The following PARD3 variants were observed in gnomAD, a reference collection of about 807,000 sequenced individuals.
PARD3 encodes the protein partitioning defective 3 homolog.
A neutral mutation model predicts 155.4 loss-of-function variants in PARD3; 75 were observed. That is an observed-to-expected ratio of 0.48 (90% CI 0.40 to 0.58). PARD3 has a LOEUF of 0.58. Among genes scored for constraint, PARD3 ranks in the 20% least tolerant of loss-of-function variants. The probability of loss-of-function intolerance (pLI) is 0.00; values close to 1 mark genes in which losing one functional copy is unlikely to be tolerated. For missense variants in PARD3, 1,642 were observed against 1,721.7 expected (o/e 0.95, Z 0.82); for synonymous variants, 576 against 610.5 (o/e 0.94, Z 0.83).
intron 2 of PARD3, among the ~76,000 whole-genome samples, chr10:34,520,286 T>G (rs922733805): frequency 1.3e-5 from 2 of 152,082 alleles, no homozygotes; most frequent in Non-Finnish European, 2.9e-5. Flanking sequence ...ATAGATAGAA[T>G]CAGCTGATTA....
At chr10:34,771,895 G>A (rs191630570) in intron 1 of PARD3, among the ~76,000 whole-genome samples, 3 of 152,176 alleles carry the variant, frequency 2.0e-5, no homozygotes, top group African/African-American at 7.2e-5. Flanking sequence ...AGCTCGCCAG[G>A]ATAAGCCAAT....
chr10:34,748,572 C>T (rs967271176), intron 1 of PARD3, among the ~76,000 whole-genome samples: 1 of 152,096 alleles, frequency 6.6e-6, no homozygotes, highest in African/African-American at 2.4e-5. Flanking sequence ...AAGCACTCCA[C>T]ACCTCAGACA....
intron 2 of PARD3, among the ~76,000 whole-genome samples, chr10:34,582,429 A>C (rs866220738): frequency 1.8e-4 from 28 of 152,258 alleles, no homozygotes; most frequent in African/African-American, 6.8e-4. Context: ...TGTTAGGATA[A>C]CTGGTTAGAA....
chr10:34,481,340 A>AT (rs2079071890), intron 3 of PARD3, among the ~76,000 whole-genome samples: 1 of 152,116 alleles, frequency 6.6e-6, no homozygotes, highest in Non-Finnish European at 1.5e-5. Flanking sequence ...GTTAAGGGGC[A>AT]TAAGAAATGG....
chr10:34,308,750 C>T (rs942551402), intron 20 of PARD3, among the ~76,000 whole-genome samples: 3 of 152,068 alleles, frequency 2.0e-5, no homozygotes, highest in African/African-American at 7.2e-5. Context: ...AGTCATCTGC[C>T]TATAGGCTGT....
chr10:34,688,326 C>G (rs182054967), intron 2 of PARD3, among the ~76,000 whole-genome samples: 1 of 152,096 alleles, frequency 6.6e-6, no homozygotes, highest in African/African-American at 2.4e-5. Flanking sequence ...CTGTTGAGAA[C>G]GAAGGGAAGG....
intron 1 of PARD3, among the ~76,000 whole-genome samples, chr10:34,784,479 G>C (rs904292895): frequency 6.7e-6 from 1 of 150,056 alleles, no homozygotes; most frequent in African/African-American, 2.5e-5. Context: ...TCACTCTGTC[G>C]CCCAGGCTGG....
intron 1 of PARD3, among the ~76,000 whole-genome samples, chr10:34,764,730 A>G (rs1450371237): frequency 6.6e-6 from 1 of 152,070 alleles, no homozygotes; most frequent in East Asian, 1.9e-4. Context: ...TGTTGACTGG[A>G]AAGAAAATGA....
intron 22 of PARD3, among the ~76,000 whole-genome samples, chr10:34,250,937 G>A (rs1954270616): frequency 6.6e-6 from 1 of 152,164 alleles, no homozygotes; most frequent in East Asian, 1.9e-4. Flanking sequence ...TGCATCACAA[G>A]CTCTGAGAGA....
At chr10:34,640,155 T>C (rs1437648630) in intron 2 of PARD3, among the ~76,000 whole-genome samples, 1 of 152,140 alleles carries the variant, frequency 6.6e-6, no homozygotes, top group African/African-American at 2.4e-5. Flanking sequence ...GAGTGCACCA[T>C]GACACAGTGA....
intron 1 of PARD3, among the ~76,000 whole-genome samples, chr10:34,750,462 A>AACAAAC (rs1835861279): frequency 7.4e-6 from 1 of 135,844 alleles, no homozygotes; most frequent in African/African-American, 2.8e-5. Flanking sequence ...CTCTCTTTCA[A>AACAAAC]ACACACACAC....
At chr10:34,799,270 G>C (rs1842624798) in intron 1 of PARD3, among the ~76,000 whole-genome samples, 1 of 152,148 alleles carries the variant, frequency 6.6e-6, no homozygotes, top group African/African-American at 2.4e-5. Context: ...TCGAACTCCT[G>C]ACCTCAGGTG....
intron 11 of PARD3, among the ~76,000 whole-genome samples, chr10:34,373,975 T>A (rs1840960228): frequency 6.6e-6 from 1 of 152,152 alleles, no homozygotes; most frequent in African/African-American, 2.4e-5. Flanking sequence ...TCACTCTAGA[T>A]TATACAAATT....
chr10:34,394,465 A>G (rs1203752411), intron 7 of PARD3, among the ~76,000 whole-genome samples: 1 of 152,158 alleles, frequency 6.6e-6, no homozygotes, highest in Non-Finnish European at 1.5e-5. Flanking sequence ...GGCTGGGACC[A>G]TAGGTGTATG....
intron 1 of PARD3, among the ~76,000 whole-genome samples, chr10:34,736,364 T>C (rs1374786160): frequency 6.7e-6 from 1 of 149,424 alleles, no homozygotes; most frequent in Non-Finnish European, 1.5e-5. Context: ...GGTCTTGCTC[T>C]GTCACCCAGG....
intron 7 of PARD3, among the ~76,000 whole-genome samples, chr10:34,396,371 A>G (rs7904405): frequency 0.041 from 6,199 of 152,084 alleles, 405 homozygotes; most frequent in African/African-American, 0.14. Context: ...AAAAAAACCA[A>G]CAACAACAAA....
intron 1 of PARD3, among the ~76,000 whole-genome samples, chr10:34,778,081 A>C (rs1839812196): frequency 6.6e-6 from 1 of 152,192 alleles, no homozygotes; most frequent in Non-Finnish European, 1.5e-5. Flanking sequence ...ACCAAAATCC[A>C]AGGATGCTTA....
At chr10:34,476,730 T>G (rs1231688498) in intron 3 of PARD3, among the ~76,000 whole-genome samples, 1 of 151,136 alleles carries the variant, frequency 6.6e-6, no homozygotes, top group Non-Finnish European at 1.5e-5. Flanking sequence ...TTATGAAAAA[T>G]GTACTAGAAA....
intron 1 of PARD3, among the ~76,000 whole-genome samples, chr10:34,801,740 C>T (rs779402224): frequency 5.0e-4 from 76 of 152,158 alleles, no homozygotes; most frequent in Middle Eastern, 3.4e-3. Context: ...TTTAGCTGCC[C>T]GAAATCACCA....
Sources: allele counts gnomAD v4.1 joint callset (sites outside exome capture counted in the v4.1 genomes callset), GRCh38; gene constraint gnomAD v4.1.1; transcripts MANE v1.5; gene names NCBI Gene and HGNC (gene_info 2026-07-23, HGNC 2026-07-21).